Variants in MNAT1 observed in about 807,000 individuals in gnomAD.
MNAT1 encodes MNAT1 component of CDK activating kinase, also known as CDK-activating kinase assembly factor MAT1.
In MNAT1, 43 loss-of-function variants were observed where a neutral mutation model predicts 42.0. The ratio of observed to expected loss-of-function variants is 1.02; its 90% CI spans 0.80 to 1.32. The LOEUF (loss-of-function observed/expected upper bound fraction) is 1.32, where lower values mean the gene tolerates loss of function less well. MNAT1 is among the 40% of genes most tolerant of loss of function. MNAT1 has a pLI of 0.00. For synonymous variants in MNAT1, 118 were observed against 120.0 expected, an observed-to-expected ratio of 0.98 and a Z score of 0.11; for missense variants, 306 against 350.4, an observed-to-expected ratio of 0.87 and a Z score of 1.01.
chr14:60,943,034 GTGTGTGT>G (rs1490850734), intron 7 of MNAT1, among the ~76,000 whole-genome samples: 1 of 128,426 alleles, frequency 7.8e-6, no homozygotes, highest in African/African-American at 3.1e-5. Flanking sequence ...GTGTGTGTGT[GTGTGTGT>G]GTGTGTGTGC....
At chr14:60,948,936 C>G (rs1952405) in intron 7 of MNAT1, among the ~76,000 whole-genome samples, 1 of 152,128 alleles carries the variant, frequency 6.6e-6, no homozygotes, top group Non-Finnish European at 1.5e-5. Context: ...AAGATGATTT[C>G]AAAATTTCCT....
At chr14:60,754,411 G>A (rs576700662) in intron 1 of MNAT1, among the ~76,000 whole-genome samples, 1 of 148,736 alleles carries the variant, frequency 6.7e-6, no homozygotes, top group Non-Finnish European at 1.5e-5. Flanking sequence ...GCAGTGGCAC[G>A]ATCTTGGCTC....
At chr14:60,795,959 A>T (rs2032004562) in intron 1 of MNAT1, among the ~76,000 whole-genome samples, 2 of 152,112 alleles carry the variant, frequency 1.3e-5, no homozygotes, top group South Asian at 4.1e-4. Context: ...TCTTCTTCCT[A>T]GTCTCTCACT....
intron 1 of MNAT1, among the ~76,000 whole-genome samples, chr14:60,771,880 C>T (rs9323366): frequency 0.93 from 141,355 of 152,240 alleles, 66,113 homozygotes; most frequent in Non-Finnish European, 0.99. Context: ...GCTTTGAATT[C>T]GGTGAAAAAG....
intron 7 of MNAT1, among the ~76,000 whole-genome samples, chr14:60,892,166 C>G (rs1442595649): frequency 6.6e-6 from 1 of 151,868 alleles, no homozygotes; most frequent in Non-Finnish European, 1.5e-5. Flanking sequence ...TTTTTTCAGT[C>G]CAGTTGGTTT....
intron 7 of MNAT1, among the ~76,000 whole-genome samples, chr14:60,944,002 C>T (rs1334539232): frequency 6.6e-6 from 1 of 152,198 alleles, no homozygotes; most frequent in African/African-American, 2.4e-5. Context: ...ACTAGAACTG[C>T]AATGTCATTC....
intron 1 of MNAT1, among the ~76,000 whole-genome samples, chr14:60,739,805 A>G (rs1017571028): frequency 1.3e-5 from 2 of 152,228 alleles, no homozygotes; most frequent in East Asian, 3.8e-4. Context: ...CTGAAGGCAT[A>G]TAGAATTAGA....
intron 1 of MNAT1, among the ~76,000 whole-genome samples, chr14:60,785,781 A>G (rs994913871): frequency 2.6e-5 from 4 of 152,186 alleles, no homozygotes; most frequent in African/African-American, 7.2e-5. Context: ...TCAGCTTTGC[A>G]TTTGACAAGG....
At chr14:60,813,454 C>T (rs781421522) in intron 5 of MNAT1, among the ~76,000 whole-genome samples, 38 of 152,192 alleles carry the variant, frequency 2.5e-4, no homozygotes, top group Non-Finnish European at 5.0e-4. Context: ...GTACTTCTCA[C>T]ATGTTGGCTC....
At chr14:60,871,624 G>C (rs980301743) in intron 6 of MNAT1, among the ~76,000 whole-genome samples, 1 of 151,560 alleles carries the variant, frequency 6.6e-6, no homozygotes, top group African/African-American at 2.4e-5. Flanking sequence ...GTCAATTCTA[G>C]GATTTTTTTT....
chr14:60,850,616 T>C (rs2033800798), intron 6 of MNAT1, among the ~76,000 whole-genome samples: 1 of 152,200 alleles, frequency 6.6e-6, no homozygotes, highest in African/African-American at 2.4e-5. Flanking sequence ...TTATTCATGC[T>C]TGGAATAACC....
chr14:60,853,766 A>G (rs1487993494), intron 6 of MNAT1, among the ~76,000 whole-genome samples: 1 of 152,162 alleles, frequency 6.6e-6, no homozygotes, highest in Non-Finnish European at 1.5e-5. Context: ...GGGGTATTGA[A>G]TTTTGTTGAA....
intron 6 of MNAT1, among the ~76,000 whole-genome samples, chr14:60,869,968 A>G (rs1387535518): frequency 6.6e-6 from 1 of 152,206 alleles, no homozygotes; most frequent in African/African-American, 2.4e-5. Context: ...TGTATAGATT[A>G]ACAGACAAAT....
intron 7 of MNAT1, among the ~76,000 whole-genome samples, chr14:60,893,204 T>C (rs2034882813): frequency 2.0e-5 from 3 of 152,120 alleles, no homozygotes; most frequent in Admixed American, 2.0e-4. Context: ...TCACTTATTC[T>C]TCTATTTTGC....
intron 7 of MNAT1, among the ~76,000 whole-genome samples, chr14:60,920,554 G>A (rs2035635705): frequency 6.6e-6 from 1 of 151,834 alleles, no homozygotes; most frequent in Admixed American, 6.6e-5. Context: ...TGAGTAGCTG[G>A]GATTACAGGT....
At chr14:60,767,012 A>G (rs750305977) in intron 1 of MNAT1, among the ~76,000 whole-genome samples, 11 of 152,210 alleles carry the variant, frequency 7.2e-5, no homozygotes, top group Non-Finnish European at 1.6e-4. Context: ...TTGTAAGTAA[A>G]TCAAGTTTGA....
intron 7 of MNAT1, among the ~76,000 whole-genome samples, chr14:60,897,849 C>T (rs1048427027): frequency 6.6e-6 from 1 of 152,154 alleles, no homozygotes; most frequent in Non-Finnish European, 1.5e-5. Flanking sequence ...TTTCTTCTAT[C>T]TAACTGTAAG....
At position 60,796,869 on chromosome 14, in the gene MNAT1, A is replaced by C. The variant is rs751112927; in HGVS notation, c.242+500A>C. Among the ~76,000 whole-genome samples, 190 of 152,076 alleles carry C rather than the reference A, an allele frequency of 1.2e-3. 6 individuals are homozygous for C. Among genetic ancestry groups the C allele is most frequent in the Non-Finnish European group, 2.4e-4 (16 of 67,956 alleles). On this transcript the variant is annotated intron_variant, in intron 2 of 7. Transcript: ENST00000261245. Reference sequence around the variant, plus strand: ...CAATGATGTCAGGTGTGGGCAGAGGAGGTAACATTAAGTTGAAGTTTGAAG... The same window carrying C: ...CAATGATGTCAGGTGTGGGCAGAGGCGGTAACATTAAGTTGAAGTTTGAAG...
At chr14:60,911,161 G>A (rs993379945) in intron 7 of MNAT1, among the ~76,000 whole-genome samples, 10 of 151,910 alleles carry the variant, frequency 6.6e-5, no homozygotes, top group African/African-American at 1.5e-4. Context: ...CTGTGGGATC[G>A]GTGGTGATAT....
Sources: allele counts gnomAD v4.1 joint callset (sites outside exome capture counted in the v4.1 genomes callset), GRCh38; gene constraint gnomAD v4.1.1; transcripts MANE v1.5; gene names NCBI Gene and HGNC (gene_info 2026-07-23, HGNC 2026-07-21).